EPHA6: variants seen among roughly 807,000 people sequenced by gnomAD.
EPHA6 encodes ephrin type-A receptor 6.
A neutral mutation model predicts 112.0 loss-of-function variants in EPHA6; 50 were observed. That is an observed-to-expected ratio of 0.45 (90% CI 0.36 to 0.56). The LOEUF (loss-of-function observed/expected upper bound fraction) is 0.56, where lower values mean the gene tolerates loss of function less well. Among genes scored for constraint, EPHA6 ranks in the 20% least tolerant of loss-of-function variants. The pLI is 0.00. For missense variants in EPHA6, 1,280 were observed against 1,417.4 expected, an observed-to-expected ratio of 0.90 and a Z score of 1.56; for synonymous variants, 529 against 490.7, an observed-to-expected ratio of 1.08 and a Z score of -1.03.
At chr3:97,128,200 T>C (rs561490155) in intron 3 of EPHA6, among the ~76,000 whole-genome samples, 3 of 152,344 alleles carry the variant, frequency 2.0e-5, no homozygotes, top group African/African-American at 7.2e-5. Flanking sequence ...TTATTCTTTT[T>C]TGTGGCTGAG....
At chr3:97,184,795 C>T (rs376256639) in intron 3 of EPHA6, among the ~76,000 whole-genome samples, 20 of 152,252 alleles carry the variant, frequency 1.3e-4, no homozygotes, top group East Asian at 1.2e-3. Context: ...GGAGGCATCA[C>T]GCTACCTGAC....
At chr3:96,956,719 A>C (rs929557184) in intron 2 of EPHA6, among the ~76,000 whole-genome samples, 1 of 152,108 alleles carries the variant, frequency 6.6e-6, no homozygotes, top group African/African-American at 2.4e-5. Flanking sequence ...AAACCCTGAG[A>C]CAGAAGAGAA....
chr3:97,593,940 G>A (rs1332671781), intron 12 of EPHA6, among the ~76,000 whole-genome samples: 2 of 152,150 alleles, frequency 1.3e-5, no homozygotes, highest in East Asian at 3.8e-4. Context: ...TCTCCTTAGA[G>A]AAAGAAATGA....
rs530573387 is a variant in EPHA6 at position 97,048,005 on chromosome 3, T to G, written c.1114+60012T>G. On this transcript the variant is annotated intron_variant, in intron 3 of 17. Coordinates refer to ENST00000389672, the MANE Select transcript of EPHA6 (RefSeq NM_001080448.3). ...TATTATATAGCTCTACTCATAGAAATATCATGTTTTAGTTTGATCAATACA... is the reference window on the plus strand; with the variant it reads ...TATTATATAGCTCTACTCATAGAAAGATCATGTTTTAGTTTGATCAATACA... 3.3e-5 allele frequency among the ~76,000 whole-genome samples: 5 copies of G among 152,322 alleles called. No homozygotes were observed. The East Asian group carries it at 9.6e-4, about 29-fold the overall frequency.
intron 2 of EPHA6, among the ~76,000 whole-genome samples, chr3:96,944,571 C>T (rs551304062): frequency 9.9e-5 from 15 of 152,266 alleles, no homozygotes; most frequent in African/African-American, 3.6e-4. Flanking sequence ...TAAAACTGAA[C>T]ACCTTGGCCG....
At position 97,758,008 on chromosome 3, in the gene EPHA6, C is replaced by T. The variant is rs1289599373; in HGVS notation, c.*9307C>T. Among the ~76,000 whole-genome samples, 4 of 151,788 alleles carry T rather than the reference C, an allele frequency of 2.6e-5. No individual in the cohort carries two copies. Among genetic ancestry groups the T allele is most frequent in the Non-Finnish European group, 4.4e-5 (3 of 67,780 alleles). On this transcript the variant is annotated 3_prime_UTR_variant, in exon 18 of 18. Coordinates refer to ENST00000389672, the MANE Select transcript of EPHA6 (RefSeq NM_001080448.3). Reference sequence around the variant, plus strand: ...AATTTGCTAGAGAAAGCAAACTCTTCTCATGAATGGAAATACAAAATGAAA... The same window carrying T: ...AATTTGCTAGAGAAAGCAAACTCTTTTCATGAATGGAAATACAAAATGAAA...
chr3:97,355,462 A>G (rs897138719), intron 5 of EPHA6, among the ~76,000 whole-genome samples: 4 of 152,164 alleles, frequency 2.6e-5, no homozygotes, highest in African/African-American at 9.7e-5. Context: ...TCATCAGTTT[A>G]AAATAATGGG....
intron 3 of EPHA6, among the ~76,000 whole-genome samples, chr3:97,035,590 T>G (rs544673351): frequency 6.6e-6 from 1 of 152,112 alleles, no homozygotes; most frequent in South Asian, 2.1e-4. Flanking sequence ...TTTGAGATTT[T>G]GGCCTTCAAC....
At chr3:96,945,692 A>C (rs928362607) in intron 2 of EPHA6, among the ~76,000 whole-genome samples, 2 of 152,138 alleles carry the variant, frequency 1.3e-5, no homozygotes, top group Admixed American at 1.3e-4. Flanking sequence ...CATTATAATT[A>C]AATGATGAAA....
chr3:97,234,523 G>A (rs1468185604), intron 4 of EPHA6, among the ~76,000 whole-genome samples: 1 of 152,030 alleles, frequency 6.6e-6, no homozygotes, highest in Non-Finnish European at 1.5e-5. Context: ...GATCTTCATT[G>A]ACATTTTGTA....
At position 97,584,284 on chromosome 3, in the gene EPHA6, C is replaced by T. The variant is rs2093468184; in HGVS notation, c.2387-8328C>T. ...GTCAAGGAGAATAAGACATACACAA[C>T]TCATTCCTTATGCTTAAGAGTTCAC... is the stretch of plus-strand genomic sequence containing the variant. On this transcript the variant is annotated intron_variant, in intron 11 of 17. Transcript: ENST00000389672. 2.0e-5 allele frequency among the ~76,000 whole-genome samples: 3 copies of T among 152,282 alleles called. No homozygotes were observed. The South Asian group carries it at 6.2e-4, about 32-fold the overall frequency.
chr3:97,424,179 C>A (rs1388933724), intron 6 of EPHA6, among the ~76,000 whole-genome samples: 1 of 152,154 alleles, frequency 6.6e-6, no homozygotes, highest in Non-Finnish European at 1.5e-5. Context: ...ATTTATAAAA[C>A]CATCAGATCT....
chr3:97,130,282 T>C (rs1220576608), intron 3 of EPHA6, among the ~76,000 whole-genome samples: 1 of 152,098 alleles, frequency 6.6e-6, no homozygotes, highest in African/African-American at 2.4e-5. Context: ...TTTTCTCTTT[T>C]TCTTCATTTT....
At chr3:97,113,466 C>G (rs1474193428) in intron 3 of EPHA6, among the ~76,000 whole-genome samples, 1 of 152,042 alleles carries the variant, frequency 6.6e-6, no homozygotes, top group South Asian at 2.1e-4. Flanking sequence ...CTCCTTTCGT[C>G]GACAAGTCAT....
At chr3:97,368,365 TAAAG>T (rs1225173562) in intron 5 of EPHA6, among the ~76,000 whole-genome samples, 1 of 152,156 alleles carries the variant, frequency 6.6e-6, no homozygotes, top group Non-Finnish European at 1.5e-5. Flanking sequence ...ATAAATATGA[TAAAG>T]AAGTCAACAA....
intron 3 of EPHA6, among the ~76,000 whole-genome samples, chr3:97,059,098 G>C (rs184626862): frequency 6.6e-6 from 1 of 152,126 alleles, no homozygotes; most frequent in Admixed American, 6.5e-5. Context: ...CAAAAGCAAA[G>C]CAGCTGGAGA....
intron 3 of EPHA6, among the ~76,000 whole-genome samples, chr3:97,180,129 C>G (rs2108448853): frequency 6.6e-6 from 1 of 152,140 alleles, no homozygotes; most frequent in South Asian, 2.1e-4. Flanking sequence ...CCACTCTTCC[C>G]TCCCCTTTTC....
intron 5 of EPHA6, among the ~76,000 whole-genome samples, chr3:97,258,621 T>C (rs2079395060): frequency 6.6e-6 from 1 of 152,170 alleles, no homozygotes; most frequent in Non-Finnish European, 1.5e-5. Flanking sequence ...AACTCATAAT[T>C]ACATTATTTT....
intron 3 of EPHA6, among the ~76,000 whole-genome samples, chr3:97,011,791 C>A (rs1009693893): frequency 1.3e-5 from 2 of 152,132 alleles, no homozygotes; most frequent in Non-Finnish European, 2.9e-5. Context: ...ACCCTTATCC[C>A]CCACCCGGCT....
Sources: allele counts gnomAD v4.1 joint callset (sites outside exome capture counted in the v4.1 genomes callset), GRCh38; gene constraint gnomAD v4.1.1; transcripts MANE v1.5; gene names NCBI Gene and HGNC (gene_info 2026-07-23, HGNC 2026-07-21).